Variants in OPCML observed in about 807,000 individuals in gnomAD.
The protein encoded by OPCML is opioid-binding protein/cell adhesion molecule.
Under a neutral mutation model 37.8 loss-of-function variants are expected in OPCML, and 13 were observed. The observed-to-expected ratio is 0.34, with a 90% CI of 0.22 to 0.55. The LOEUF is 0.55. Among genes scored for constraint, OPCML ranks in the 20% least tolerant of loss-of-function variants. OPCML has a pLI of 0.91. For missense variants in OPCML, 341 were observed against 435.6 expected, an observed-to-expected ratio of 0.78 and a Z score of 1.93; for synonymous variants, 176 against 168.8, an observed-to-expected ratio of 1.04 and a Z score of -0.33.
intron 1 of OPCML, among the ~76,000 whole-genome samples, chr11:132,987,395 A>G (rs1946699949): frequency 6.6e-6 from 1 of 152,182 alleles, no homozygotes; most frequent in African/African-American, 2.4e-5. Flanking sequence ...TACCTGGGGC[A>G]GCAAGCAGTT....
At chr11:133,371,226 C>A (rs1944667140) in intron 1 of OPCML, among the ~76,000 whole-genome samples, 1 of 152,092 alleles carries the variant, frequency 6.6e-6, no homozygotes, top group African/African-American at 2.4e-5. Flanking sequence ...CAAATTAGTA[C>A]AACTTCTATG....
At chr11:132,873,261 C>T (rs1008399356) in intron 2 of OPCML, among the ~76,000 whole-genome samples, 1 of 152,156 alleles carries the variant, frequency 6.6e-6, no homozygotes, top group Non-Finnish European at 1.5e-5. Flanking sequence ...TTATCTTCTC[C>T]TTTGGTTCAA....
At chr11:132,438,997 A>G (rs1565563108) in intron 4 of OPCML, among the ~76,000 whole-genome samples, 1 of 152,064 alleles carries the variant, frequency 6.6e-6, no homozygotes, top group African/African-American at 2.4e-5. Flanking sequence ...CCAATCATCT[A>G]TTTATAGAAA....
At chr11:133,017,990 G>A (rs757398954) in intron 1 of OPCML, among the ~76,000 whole-genome samples, 52 of 152,270 alleles carry the variant, frequency 3.4e-4, no homozygotes, top group African/African-American at 9.9e-4. Flanking sequence ...CCTTGGTAGC[G>A]CTCTGGGAGC....
chr11:133,326,257 T>C (rs1404663291), intron 1 of OPCML, among the ~76,000 whole-genome samples: 1 of 136,098 alleles, frequency 7.3e-6, no homozygotes, highest in Non-Finnish European at 1.6e-5. Flanking sequence ...GGTGTGTGTA[T>C]GTGGGGTGTG....
intron 3 of OPCML, among the ~76,000 whole-genome samples, chr11:132,601,045 T>G (rs889316138): frequency 1.3e-5 from 2 of 152,100 alleles, no homozygotes; most frequent in African/African-American, 4.8e-5. Flanking sequence ...ATAATGTATA[T>G]ACAAATTAAA....
chr11:132,433,598 C>T (rs536936706), intron 7 of OPCML, among the ~76,000 whole-genome samples: 2 of 152,338 alleles, frequency 1.3e-5, no homozygotes, highest in Non-Finnish European at 2.9e-5. Flanking sequence ...CATCCCTCTA[C>T]TACCGAATGT....
At chr11:133,387,530 A>C (rs1420834183) in intron 1 of OPCML, among the ~76,000 whole-genome samples, 1 of 152,242 alleles carries the variant, frequency 6.6e-6, no homozygotes, top group Non-Finnish European at 1.5e-5. Context: ...TTCTATGAGA[A>C]GTTACCTGAC....
intron 1 of OPCML, among the ~76,000 whole-genome samples, chr11:133,224,107 C>A (rs1215629532): frequency 1.3e-5 from 2 of 152,138 alleles, no homozygotes; most frequent in Non-Finnish European, 2.9e-5. Context: ...AGGAGAAGGT[C>A]CAATGCTTTG....
chr11:133,264,784 G>C, intron 1 of OPCML, among the ~76,000 whole-genome samples: 1 of 151,964 alleles, frequency 6.6e-6, no homozygotes, highest in Non-Finnish European at 1.5e-5. Flanking sequence ...AAAAAAGTAC[G>C]TGGTTATACA....
intron 3 of OPCML, among the ~76,000 whole-genome samples, chr11:132,611,463 A>C (rs1938635696): frequency 6.6e-6 from 1 of 152,114 alleles, no homozygotes; most frequent in South Asian, 2.1e-4. Flanking sequence ...TATCTGGAAA[A>C]TTCTCCCAAC....
At chr11:132,696,884 C>G (rs1943619599) in intron 2 of OPCML, among the ~76,000 whole-genome samples, 1 of 152,128 alleles carries the variant, frequency 6.6e-6, no homozygotes, top group Non-Finnish European at 1.5e-5. Context: ...AAATTATAGG[C>G]TGAATACCAA....
At chr11:133,122,824 A>G (rs1949442300) in intron 1 of OPCML, among the ~76,000 whole-genome samples, 2 of 152,186 alleles carry the variant, frequency 1.3e-5, no homozygotes, top group Admixed American at 1.3e-4. Context: ...ATCTCTCTCA[A>G]TAAAGGCTTA....
At chr11:133,381,932 G>A (rs1296894128) in intron 1 of OPCML, among the ~76,000 whole-genome samples, 1 of 152,202 alleles carries the variant, frequency 6.6e-6, no homozygotes, top group Admixed American at 6.5e-5. Flanking sequence ...TCCCTCTGAG[G>A]CCAGCCTGGC....
chr11:132,563,815 A>AT (rs2096416100), intron 3 of OPCML, among the ~76,000 whole-genome samples: 1 of 152,142 alleles, frequency 6.6e-6, no homozygotes, highest in Admixed American at 6.5e-5. Flanking sequence ...ACAACAAAAA[A>AT]ACAGAAAAAC....
rs904534438 is a variant in OPCML, at chr11:132,962,514, C to T, written c.62-19504G>A. ...AAAGATTTTTAAGTCTAGACTGTCG[C>T]GTGAGAGAACAGAAATTGTGGACCA... On this transcript the variant is annotated intron_variant, in intron 1 of 7. Transcript: ENST00000524381. Among the ~76,000 whole-genome samples, 8 of 152,304 alleles carry T rather than the reference C, an allele frequency of 5.3e-5. No homozygotes were observed. In the East Asian group the frequency reaches 5.8e-4, roughly 11 times the overall value.
At chr11:132,504,339 CG>C (rs112636119) in intron 4 of OPCML, among the ~76,000 whole-genome samples, 5,298 of 152,246 alleles carry the variant, frequency 0.035, 300 homozygotes, top group African/African-American at 0.11. Flanking sequence ...ACAATACAAG[CG>C]CTGACTTGGA....
chr11:132,551,286 G>T (rs927987121), intron 3 of OPCML, among the ~76,000 whole-genome samples: 1 of 152,180 alleles, frequency 6.6e-6, no homozygotes, highest in East Asian at 1.9e-4. Flanking sequence ...TTGAGACAGT[G>T]AAAGAGATCT....
At chr11:133,423,472 T>G in intron 1 of OPCML, 7 of 985,398 alleles carry the variant, frequency 7.1e-6, no homozygotes, top group Non-Finnish European at 8.4e-6. Flanking sequence ...TGCACTCTGT[T>G]AGGCTCCTGG....
Sources: allele counts gnomAD v4.1 joint callset (sites outside exome capture counted in the v4.1 genomes callset), GRCh38; gene constraint gnomAD v4.1.1; transcripts MANE v1.5; gene names NCBI Gene and HGNC (gene_info 2026-07-23, HGNC 2026-07-21).